Variants in ATP6V0A1 observed in about 807,000 individuals in gnomAD.
The protein encoded by ATP6V0A1 is ATPase H+ transporting V0 subunit a1.
In ATP6V0A1, 43 loss-of-function variants were observed where a neutral mutation model predicts 105.4. That is an observed-to-expected ratio of 0.41 (90% confidence interval 0.32 to 0.53). ATP6V0A1 has a LOEUF of 0.53. Among genes scored for constraint, ATP6V0A1 ranks in the 20% least tolerant of loss-of-function variants. The probability of loss-of-function intolerance (pLI) is 0.30; values close to 1 mark genes in which losing one functional copy is unlikely to be tolerated. For missense variants in ATP6V0A1, 676 were observed against 1,051.1 expected (o/e 0.64, Z 4.93); for synonymous variants, 362 against 372.8 (o/e 0.97, Z 0.33).
At chr17:42,478,661 G>T in intron 7 of ATP6V0A1, 72 bp downstream of exon 7, 1 of 1,420,410 alleles carries the variant, frequency 7.0e-7, no homozygotes, top group Non-Finnish European at 9.4e-7. Context: ...GTAGCATGGG[G>T]CCACCTGAAT....
chr17:42,459,150 T>TG (rs963988159), intron 1 of ATP6V0A1, 187 bp downstream of exon 1: 17 of 152,232 alleles, frequency 1.1e-4, no homozygotes, highest in African/African-American at 4.1e-4. Context: ...TCACTGCCCT[T>TG]TGGAAGCCCC....
intron 12 of ATP6V0A1, 44 bp from the exon 13 acceptor site, chr17:42,494,990 C>T: frequency 6.3e-7 from 1 of 1,576,176 alleles, no homozygotes; most frequent in Non-Finnish European, 8.7e-7. Flanking sequence ...ACAATGTGAG[C>T]TGCAGTGAGT....
In ATP6V0A1 at chr17:42,483,104, G is replaced by A; in HGVS notation, c.783G>A (p.Val261=). Residue 261 remains valine, a synonymous_variant, in exon 9 of 22, where the codon GTG becomes GTA. Transcript: ENST00000343619. ...PQERKEMASG[V]NTRIDDLQMV... The stretch of plus-strand genomic sequence containing the variant: ...AGAGGAAGGAAATGGCTTCTGGAGT[G>A]AATACCAGGATTGATGATCTCCAAA... The A allele has an allele frequency of 6.4e-7, 1 of 1,552,320 alleles. No homozygotes were observed. The highest frequency in any genetic ancestry group is 1.2e-5 in the South Asian group (1 of 80,334).
At position 42,491,972 on chromosome 17, in the gene ATP6V0A1, C is replaced by G. The variant is rs1485635973; in HGVS notation, c.1174+1335C>G. The stretch of plus-strand genomic sequence containing the variant: ...GCCGAGGTAGGAGGATTGCTTAAGC[C>G]CAGGATTTCAAGATCAGCCTGGGCA... On this transcript the variant is annotated intron_variant, in intron 11 of 21. Coordinates refer to ENST00000343619, the MANE Select transcript of ATP6V0A1 (RefSeq NM_001130021.3). Among the ~76,000 whole-genome samples, 3 of 152,124 alleles carry G rather than the reference C, an allele frequency of 2.0e-5. No homozygotes were observed. The South Asian group carries it at 6.2e-4, about 31-fold the overall frequency.
chr17:42,478,099 A>G (rs2088986076), intron 6 of ATP6V0A1, among the ~76,000 whole-genome samples: 1 of 151,816 alleles, frequency 6.6e-6, no homozygotes, highest in Non-Finnish European at 1.5e-5. Context: ...TTCTCAGCAA[A>G]CTATCACAAG....
chr17:42,495,171 G>A lies in ATP6V0A1; in HGVS notation c.1452G>A (p.Met484Ile), dbSNP rs1473734195. 1 of 1,613,892 alleles carries A rather than the reference G, an allele frequency of 6.2e-7. No individual in the cohort carries two copies. Among genetic ancestry groups the A allele is most frequent in the Non-Finnish European group, 8.5e-7 (1 of 1,179,960 alleles). Residue 484 changes from methionine to isoleucine, a missense_variant, in exon 13 of 22, where the codon ATG becomes ATA. Coordinates refer to ENST00000343619, the MANE Select transcript of ATP6V0A1 (RefSeq NM_001130021.3). The stretch of plus-strand genomic sequence containing the variant: ...GGTCATCCTGGAGTGTACGGCCGAT[G>A]TTTACTTATAATTGGACGTAAGTTG... ...IFGSSWSVRP[M>I]FTYNWTEETL...
Position 42,507,555 on chromosome 17 carries a change from C to T in ATP6V0A1, c.2040C>T (p.Asn680=), listed in dbSNP as rs759154084. The T allele has an allele frequency of 6.8e-6, 11 of 1,613,234 alleles. No homozygotes were observed. Among genetic ancestry groups the T allele is most frequent in the South Asian group, 2.2e-5 (2 of 91,048 alleles). Residue 680 remains asparagine, a synonymous_variant, in exon 18 of 22, where the codon AAC becomes AAT. Coordinates refer to ENST00000343619, the MANE Select transcript of ATP6V0A1 (RefSeq NM_001130021.3). The part of the protein sequence containing the change: ...TLNFGGIRVG[N]GPTEEDAEII... ...ACTTTGGTGGGATCAGGGTGGGCAA[C>T]GGACCGACAGAGGAGGATGCTGAGA...
Position 42,469,964 on chromosome 17 carries a change from TGC to T in ATP6V0A1, c.295-125_295-124del, listed in dbSNP as rs556493661. On this transcript the variant is annotated intron_variant, in intron 4 of 21. Coordinates refer to ENST00000343619, the MANE Select transcript of ATP6V0A1 (RefSeq NM_001130021.3). ...ATTGCTCTAGTAAAATCACAGTATT[TGC>T]TAGGCAAGTCCAAGTTCTCTTTGAA... The T allele has an allele frequency of 6.6e-4, 661 of 999,722 alleles. 1 individual carries two copies. Among genetic ancestry groups the T allele is most frequent in the Non-Finnish European group, 8.6e-4 (598 of 696,660 alleles). The allele number at this position is 999,722 out of a possible 1,614,324, so 61.9% of individuals were successfully genotyped here.
intron 5 of ATP6V0A1, among the ~76,000 whole-genome samples, chr17:42,475,073 A>G (rs1348848744): frequency 6.6e-6 from 1 of 152,250 alleles, no homozygotes; most frequent in African/African-American, 2.4e-5. Context: ...GTAATGGTTA[A>G]TGGCATGCAG....
At chr17:42,512,376 C>T (rs1437992650) in intron 19 of ATP6V0A1, among the ~76,000 whole-genome samples, 1 of 152,178 alleles carries the variant, frequency 6.6e-6, no homozygotes, top group Non-Finnish European at 1.5e-5. Flanking sequence ...ACTGCCCTCC[C>T]AGCCCATAGG....
rs773191851 is a variant in ATP6V0A1 at position 42,471,575 on chromosome 17, A to G, written c.423+1357A>G. ...ATGGTGAAACCCCGTCTCCACAAAA[A>G]ATACAAAAATTAGACAGGCATCGTG... On this transcript the variant is annotated intron_variant, in intron 5 of 21. Coordinates refer to ENST00000343619, the MANE Select transcript of ATP6V0A1 (RefSeq NM_001130021.3). The G allele has an allele frequency of 2.0e-5, 3 of 152,202 alleles. No homozygotes were observed. In the East Asian group the frequency reaches 5.8e-4, roughly 29 times the overall value. The allele number at this position is 152,202 out of a possible 1,614,324, so 9.4% of individuals were successfully genotyped here. A position where few individuals can be genotyped will look rare whatever the true frequency, so the allele number is the denominator to read the frequency against.
In ATP6V0A1 at chr17:42,483,135, T is replaced by C. The variant is rs551292997; in HGVS notation, c.810+4T>C. On this transcript the variant is annotated splice_donor_region_variant and intron_variant, in intron 9 of 21. Transcript: ENST00000343619. The stretch of plus-strand genomic sequence containing the variant: ...CAGGATTGATGATCTCCAAATGGTA[T>C]GCAGAAGGCTGGAGGGAATTTGTTT... 2 of 1,505,230 alleles carry C rather than the reference T, an allele frequency of 1.3e-6. No homozygotes were observed. Among genetic ancestry groups the C allele is most frequent in the South Asian group, 1.4e-5 (1 of 72,544 alleles). 93.2% of individuals were successfully genotyped at this position (1,505,230 alleles called of 1,614,324 possible). A position where few individuals can be genotyped will look rare whatever the true frequency, so the allele number is the denominator to read the frequency against.
intron 19 of ATP6V0A1, chr17:42,510,386 A>G (rs565807597): frequency 2.6e-5 from 4 of 152,366 alleles, no homozygotes; most frequent in African/African-American, 9.6e-5. Flanking sequence ...CCCGGATGCT[A>G]TAGGAGCACA....
At chr17:42,513,590 T>G in intron 19 of ATP6V0A1, 2 of 384,536 alleles carry the variant, frequency 5.2e-6, no homozygotes, top group Non-Finnish European at 9.6e-6. Flanking sequence ...CTTATTAAGA[T>G]GTAGTTAATT....
intron 18 of ATP6V0A1, 124 bp downstream of exon 18, chr17:42,507,751 G>T: frequency 1.2e-6 from 1 of 845,738 alleles, no homozygotes; most frequent in East Asian, 2.8e-5. Context: ...TATTCAGCCT[G>T]CCTTCTGGAC....
intron 5 of ATP6V0A1, among the ~76,000 whole-genome samples, chr17:42,474,472 G>C (rs1400752757): frequency 6.6e-6 from 1 of 152,072 alleles, no homozygotes; most frequent in Non-Finnish European, 1.5e-5. Context: ...TCTCTGCCTT[G>C]CCTGTTCTTG....
At chr17:42,489,041 C>T (rs1180147810) in intron 10 of ATP6V0A1, among the ~76,000 whole-genome samples, 2 of 148,878 alleles carry the variant, frequency 1.3e-5, no homozygotes, top group African/African-American at 2.5e-5. Flanking sequence ...TGGGTCACCA[C>T]GCCTGGTGGA....
At chr17:42,495,927 C>T in intron 14 of ATP6V0A1, 2 of 450,768 alleles carry the variant, frequency 4.4e-6, no homozygotes, top group East Asian at 8.5e-5. Flanking sequence ...AAAATATTAG[C>T]CGGGCGTGGT....
chr17:42,461,702 C>T (rs905173828), intron 2 of ATP6V0A1, among the ~76,000 whole-genome samples: 5 of 151,976 alleles, frequency 3.3e-5, no homozygotes, highest in African/African-American at 7.3e-5. Context: ...ACCTGGGAGG[C>T]GGAGGTTGCA....
Sources: allele counts gnomAD v4.1 joint callset (sites outside exome capture counted in the v4.1 genomes callset), GRCh38; gene constraint gnomAD v4.1.1; transcripts MANE v1.5; gene names NCBI Gene and HGNC (gene_info 2026-07-23, HGNC 2026-07-21).